The following PAWR variants were observed in gnomAD, a reference collection of about 807,000 sequenced individuals.
The protein encoded by PAWR is PRKC apoptosis WT1 regulator protein.
PAWR carries 23 observed loss-of-function variants against 32.0 expected under a neutral mutation model. The ratio of observed to expected loss-of-function variants is 0.72; its 90% CI spans 0.52 to 1.02. PAWR has a LOEUF of 1.02. PAWR is among the 50% of genes least tolerant of loss of function. PAWR has a pLI of 0.00. For synonymous variants in PAWR, 226 were observed against 187.1 expected, an observed-to-expected ratio of 1.21 and a Z score of -1.70; for missense variants, 457 against 437.7, an observed-to-expected ratio of 1.04 and a Z score of -0.39.
intron 4 of PAWR, among the ~76,000 whole-genome samples, chr12:79,605,071 G>C (rs780563258): frequency 1.3e-5 from 2 of 151,314 alleles, no homozygotes; most frequent in African/African-American, 4.9e-5. Flanking sequence ...TATACTTTTT[G>C]TATCATACTT....
chr12:79,671,123 T>TAAAAAAAA (rs80196711), intron 2 of PAWR, among the ~76,000 whole-genome samples: 1 of 99,004 alleles, frequency 1.0e-5, no homozygotes, highest in African/African-American at 3.7e-5. Context: ...CCTTAGCACT[T>TAAAAAAAA]AAAAAAAAAA....
intron 2 of PAWR, among the ~76,000 whole-genome samples, chr12:79,687,505 A>C (rs1443256605): frequency 6.6e-6 from 1 of 152,222 alleles, no homozygotes; most frequent in Non-Finnish European, 1.5e-5. Context: ...TCTGAAAATA[A>C]GAGTCTTACT....
rs113084916 is a variant in PAWR at position 79,690,297 on chromosome 12, G to A, written c.-53C>T. 5.0e-6 allele frequency: 7 copies of A among 1,391,370 alleles called. No homozygotes were observed. Among genetic ancestry groups the A allele is most frequent in the African/African-American group, 4.5e-5 (3 of 66,520 alleles). 86.2% of individuals were successfully genotyped at this position (1,391,370 alleles called of 1,614,324 possible). Reference sequence around the variant, plus strand: ...ACCTCAGGCCGCCCACCAGGGCTCCGGCCGCTGCCTCCTCTTCCTTCCTGC... The same window carrying A: ...ACCTCAGGCCGCCCACCAGGGCTCCAGCCGCTGCCTCCTCTTCCTTCCTGC... On this transcript the variant is annotated 5_prime_UTR_variant, in exon 2 of 7. Coordinates refer to ENST00000328827, the MANE Select transcript of PAWR (RefSeq NM_002583.4).
At chr12:79,604,341 T>A (rs1874083153) in intron 4 of PAWR, 2 of 1,006,552 alleles carry the variant, frequency 2.0e-6, no homozygotes, top group Non-Finnish European at 2.4e-6. Context: ...ACTGGAAGTT[T>A]TCCCCCTCTG....
At chr12:79,674,710 G>C (rs888679594) in intron 2 of PAWR, among the ~76,000 whole-genome samples, 2 of 150,692 alleles carry the variant, frequency 1.3e-5, no homozygotes, top group Non-Finnish European at 3.0e-5. Flanking sequence ...AAATCAATAA[G>C]CCAAAAAAAA....
At chr12:79,646,598 C>T (rs1043582293) in intron 2 of PAWR, among the ~76,000 whole-genome samples, 1 of 152,078 alleles carries the variant, frequency 6.6e-6, no homozygotes, top group African/African-American at 2.4e-5. Flanking sequence ...CCACCAAAAA[C>T]CCATATCTCA....
chr12:79,660,709 G>A (rs550821869), intron 2 of PAWR, among the ~76,000 whole-genome samples: 143 of 150,138 alleles, frequency 9.5e-4, no homozygotes, highest in Non-Finnish European at 1.7e-3. Flanking sequence ...TCAGTCTCCC[G>A]AGTAGCTGGG....
intron 2 of PAWR, among the ~76,000 whole-genome samples, chr12:79,661,419 A>G (rs1295038172): frequency 1.3e-5 from 2 of 152,188 alleles, no homozygotes; most frequent in Admixed American, 1.3e-4. Flanking sequence ...AGATATCCAC[A>G]CATATTTCTT....
intron 2 of PAWR, among the ~76,000 whole-genome samples, chr12:79,656,220 A>T (rs1877087886): frequency 6.6e-6 from 1 of 152,196 alleles, no homozygotes; most frequent in Non-Finnish European, 1.5e-5. Flanking sequence ...GAAAACAGAA[A>T]ACTGTATGAA....
At chr12:79,616,897 A>T (rs1874765976) in intron 3 of PAWR, among the ~76,000 whole-genome samples, 1 of 152,226 alleles carries the variant, frequency 6.6e-6, no homozygotes, top group Non-Finnish European at 1.5e-5. Flanking sequence ...TGAGACATAC[A>T]AATAATCAGA....
At chr12:79,618,429 C>T (rs189604963) in intron 3 of PAWR, among the ~76,000 whole-genome samples, 54 of 152,248 alleles carry the variant, frequency 3.5e-4, no homozygotes, top group Admixed American at 1.8e-3. Flanking sequence ...GCACCAGGCC[C>T]TTATCACTTC....
rs573692680 is a variant in PAWR, at chr12:79,653,928, T to G, written c.517-32721A>C. 1.4e-3 allele frequency among the ~76,000 whole-genome samples: 211 copies of G among 152,344 alleles called. 1 individual carries two copies. The Middle Eastern group carries it at 0.034, about 25-fold the overall frequency. On this transcript the variant is annotated intron_variant, in intron 2 of 6. Coordinates refer to ENST00000328827, the MANE Select transcript of PAWR (RefSeq NM_002583.4). ...CAACTTTTAGTTGAGGCCTAAGAAC[T>G]CAAACTGATTTATAGCATCCTTATT...
At chr12:79,638,472 T>C (rs1192623533) in intron 2 of PAWR, among the ~76,000 whole-genome samples, 3 of 152,142 alleles carry the variant, frequency 2.0e-5, no homozygotes, top group Non-Finnish European at 4.4e-5. Flanking sequence ...TCCCTGTGGT[T>C]CTATAAAAGA....
chr12:79,643,444 C>G (rs1393245998), intron 2 of PAWR, among the ~76,000 whole-genome samples: 1 of 152,148 alleles, frequency 6.6e-6, no homozygotes, highest in Middle Eastern at 3.4e-3. Context: ...TCCAGGTACC[C>G]CCTGCCGTGA....
chr12:79,631,155 A>G (rs1179257353), intron 2 of PAWR, among the ~76,000 whole-genome samples: 1 of 152,198 alleles, frequency 6.6e-6, no homozygotes, highest in Non-Finnish European at 1.5e-5. Context: ...CAAACTTAGA[A>G]GAGAATAGCC....
intron 2 of PAWR, among the ~76,000 whole-genome samples, chr12:79,627,395 G>C (rs1322718014): frequency 6.6e-6 from 1 of 152,160 alleles, no homozygotes; most frequent in African/African-American, 2.4e-5. Flanking sequence ...CCTCTTTTGA[G>C]AAGTGTCTGT....
chr12:79,681,744 T>A (rs1168270018), intron 2 of PAWR, among the ~76,000 whole-genome samples: 1 of 152,204 alleles, frequency 6.6e-6, no homozygotes. Flanking sequence ...TAGGATTACA[T>A]AAATTTGATT....
rs1878934466 is a variant in PAWR at position 79,690,173 on chromosome 12, C to T, written c.72G>A (p.Lys24=). The T allele has an allele frequency of 1.3e-6, 2 of 1,531,726 alleles. No homozygotes were observed. Among genetic ancestry groups the T allele is most frequent in the East Asian group, 5.2e-5 (2 of 38,360 alleles). 94.9% of individuals were successfully genotyped at this position (1,531,726 alleles called of 1,614,324 possible). A position where few individuals can be genotyped will look rare whatever the true frequency, so the allele number is the denominator to read the frequency against. The change falls in exon 2 of 7, where the codon AAG becomes AAA. Residue 24 remains lysine, a synonymous_variant. Coordinates refer to ENST00000328827, the MANE Select transcript of PAWR (RefSeq NM_002583.4). The part of the protein sequence containing the change: ...GSTTDFLEEW[K]AKREKMRAKQ... ...TGGCGCGCATCTTCTCGCGTTTCGC[C>T]TTCCACTCCTCCAGGAAGTCTGTGG...
intron 4 of PAWR, among the ~76,000 whole-genome samples, chr12:79,600,438 A>C (rs1658277174): frequency 6.6e-6 from 1 of 151,854 alleles, no homozygotes; most frequent in Non-Finnish European, 1.5e-5. Flanking sequence ...AAGTGTGATT[A>C]AAATTAACGA....
Sources: gnomAD v4.1 joint callset for allele counts (sites outside exome capture counted in the v4.1 genomes callset) on GRCh38, gnomAD v4.1.1 for gene constraint, MANE v1.5 for transcripts, NCBI Gene and HGNC (gene_info 2026-07-23, HGNC 2026-07-21) for gene names.